Variants in ATPAF2 observed in about 807,000 individuals in gnomAD.
ATPAF2 encodes the protein ATP12 homolog.
A neutral mutation model predicts 36.6 loss-of-function variants in ATPAF2; 30 were observed. That is an observed-to-expected ratio of 0.82 (90% confidence interval 0.61 to 1.11). ATPAF2 has a LOEUF of 1.11. ATPAF2 is among the 50% of genes most tolerant of loss of function. The pLI is 0.00. For synonymous variants in ATPAF2, 140 were observed against 152.6 expected, an observed-to-expected ratio of 0.92 and a Z score of 0.61; for missense variants, 321 against 372.3, an observed-to-expected ratio of 0.86 and a Z score of 1.13.
At chr17:18,021,025 C>A in intron 7 of ATPAF2, 98 bp downstream of exon 7, 2 of 1,496,900 alleles carry the variant, frequency 1.3e-6, no homozygotes, top group South Asian at 1.3e-5. Context: ...GTAATAAAAG[C>A]CAAGTATGCA....
chr17:18,025,326 T>C (rs1411674508), intron 4 of ATPAF2: 1 of 163,560 alleles, frequency 6.1e-6, no homozygotes, highest in Non-Finnish European at 1.3e-5. Flanking sequence ...GCTGTGCCAT[T>C]TGTTTGACCA....
intron 1 of ATPAF2, among the ~76,000 whole-genome samples, chr17:18,036,356 A>G (rs1025282644): frequency 3.3e-5 from 5 of 152,110 alleles, no homozygotes; most frequent in Admixed American, 6.5e-5. Flanking sequence ...AGGGTGGATC[A>G]TGAGGTCAGG....
At position 18,018,390 on chromosome 17, in the gene ATPAF2, C is replaced by T; in HGVS notation, c.*159G>A. On this transcript the variant is annotated 3_prime_UTR_variant, in exon 8 of 8. Transcript: ENST00000474627. ...TGAAATCAGGCTGACCTCCGGACAG[C>T]CGTACTAGCGCACTGTGTCTCGGGG... 9.7e-7 allele frequency: 1 copy of T among 1,034,350 alleles called. No homozygotes were observed. Among genetic ancestry groups the T allele is most frequent in the South Asian group, 1.4e-5 (1 of 72,798 alleles). 64.1% of individuals were successfully genotyped at this position (1,034,350 alleles called of 1,614,324 possible).
At chr17:18,036,493 G>A (rs1440123775) in intron 1 of ATPAF2, among the ~76,000 whole-genome samples, 1 of 151,020 alleles carries the variant, frequency 6.6e-6, no homozygotes. Flanking sequence ...GGAGAATGGC[G>A]TGAACCCGGG....
chr17:18,016,448 A>C, downstream of ATPAF2: 1 of 838,714 alleles, frequency 1.2e-6, no homozygotes, highest in South Asian at 1.7e-5. Flanking sequence ...GAAGCAAATG[A>C]GGTTTGCAGA....
chr17:18,033,937 T>C (rs1398896932), intron 1 of ATPAF2, among the ~76,000 whole-genome samples: 1 of 151,764 alleles, frequency 6.6e-6, no homozygotes, highest in Admixed American at 6.6e-5. Context: ...CTGAGCAACA[T>C]GGCAACACCC....
At chr17:18,019,185 A>ACACACACACCC (rs1313379853) in intron 7 of ATPAF2, among the ~76,000 whole-genome samples, 3 of 146,358 alleles carry the variant, frequency 2.0e-5, no homozygotes, top group South Asian at 2.2e-4. Context: ...ACACACACAC[A>ACACACACACCC]CCCCACCACC....
In ATPAF2 at chr17:18,018,519, C is replaced by T. The variant is rs567281571; in HGVS notation, c.*30G>A. 17 of 1,612,098 alleles carry T rather than the reference C, an allele frequency of 1.1e-5. No individual in the cohort carries two copies. The Admixed American group carries it at 1.3e-4, about 13-fold the overall frequency. ...CGGGGGAGCTGTGGCTGCACTGCCTCTATCCTGCTGAGTGTGCTCTGCCCA... is the reference window on the plus strand; with the variant it reads ...CGGGGGAGCTGTGGCTGCACTGCCTTTATCCTGCTGAGTGTGCTCTGCCCA... On this transcript the variant is annotated 3_prime_UTR_variant, in exon 8 of 8. Coordinates refer to ENST00000474627, the MANE Select transcript of ATPAF2 (RefSeq NM_145691.4).
chr17:18,030,854 T>A (rs867315022), intron 1 of ATPAF2, among the ~76,000 whole-genome samples: 52 of 112,990 alleles, frequency 4.6e-4, no homozygotes, highest in East Asian at 3.0e-3. Context: ...TTTTTTTTTT[T>A]AGTAGAGACG....
chr17:18,016,905 G>T, downstream of ATPAF2: 1 of 372,302 alleles, frequency 2.7e-6, no homozygotes. Context: ...TGGGTGCGGT[G>T]GTTCACGTCT....
intron 1 of ATPAF2, among the ~76,000 whole-genome samples, chr17:18,029,300 C>T (rs967167907): frequency 3.3e-5 from 5 of 152,232 alleles, no homozygotes; most frequent in South Asian, 2.1e-4. Flanking sequence ...ATGAAACAGT[C>T]TCCTTCTTTT....
intron 6 of ATPAF2, chr17:18,021,464 C>T (rs1006251071): frequency 4.9e-5 from 31 of 637,298 alleles, no homozygotes; most frequent in East Asian, 2.2e-4. Flanking sequence ...CAGAGCTTTC[C>T]GCACCCAGTC....
chr17:18,026,893 A>C, intron 3 of ATPAF2: 1 of 182,632 alleles, frequency 5.5e-6, no homozygotes, highest in South Asian at 1.1e-4. Flanking sequence ...CACCTTAGAA[A>C]GTAGGGAAAT....
At chr17:18,023,287 T>C (rs1202708143) in intron 5 of ATPAF2, among the ~76,000 whole-genome samples, 1 of 151,468 alleles carries the variant, frequency 6.6e-6, no homozygotes, top group African/African-American at 2.4e-5. Context: ...AAAAATTAGC[T>C]GGGCGTGGTG....
At chr17:18,026,265 A>T (rs1438819670) in intron 4 of ATPAF2, 54 bp downstream of exon 4, 34 of 1,497,488 alleles carry the variant, frequency 2.3e-5, no homozygotes, top group Non-Finnish European at 3.0e-5. Flanking sequence ...CATCTGGGCA[A>T]ATCAGGAAAA....
At chr17:18,017,171 C>CAAAA (rs59274380), downstream of ATPAF2, among the ~76,000 whole-genome samples, 21 of 43,642 alleles carry the variant, frequency 4.8e-4, 3 homozygotes, top group African/African-American at 6.9e-4. Flanking sequence ...GACTTCGTCT[C>CAAAA]AAAAAAAAAA....
At chr17:18,032,410 G>A (rs2044648838) in intron 1 of ATPAF2, among the ~76,000 whole-genome samples, 1 of 152,210 alleles carries the variant, frequency 6.6e-6, no homozygotes, top group Admixed American at 6.5e-5. Context: ...GATAGATGGA[G>A]GGCAGGGAAG....
Position 18,018,102 on chromosome 17 carries a change from T to C in ATPAF2, c.*447A>G, listed in dbSNP as rs1414847802. 2 of 224,496 alleles carry C rather than the reference T, an allele frequency of 8.9e-6. No homozygotes were observed. Among genetic ancestry groups the C allele is most frequent in the Non-Finnish European group, 1.8e-5 (2 of 111,766 alleles). 13.9% of individuals were successfully genotyped at this position (224,496 alleles called of 1,614,324 possible). A position where few individuals can be genotyped will look rare whatever the true frequency, so the allele number is the denominator to read the frequency against. On this transcript the variant is annotated 3_prime_UTR_variant, in exon 8 of 8. Coordinates refer to ENST00000474627, the MANE Select transcript of ATPAF2 (RefSeq NM_145691.4). ...GCTGAAGAACACAAATAGAGTTGTC[T>C]GTGGATTACATGATTGTTTCCCCAG...
downstream of ATPAF2, among the ~76,000 whole-genome samples, chr17:18,017,518 C>A (rs2044402325): frequency 6.6e-6 from 1 of 152,250 alleles, no homozygotes; most frequent in Non-Finnish European, 1.5e-5. Flanking sequence ...GCCACAAGGA[C>A]CTGAGGACCC....
Sources: allele counts gnomAD v4.1 joint callset (sites outside exome capture counted in the v4.1 genomes callset), GRCh38; gene constraint gnomAD v4.1.1; transcripts MANE v1.5; gene names NCBI Gene and HGNC (gene_info 2026-07-23, HGNC 2026-07-21).